Variants in PDE1C observed in about 807,000 individuals in gnomAD.
The protein encoded by PDE1C is dual specificity calcium/calmodulin-dependent 3',5'-cyclic nucleotide phosphodiesterase 1C.
PDE1C carries 62 observed loss-of-function variants against 93.1 expected under a neutral mutation model. That is an observed-to-expected ratio of 0.67 (90% CI 0.54 to 0.82). PDE1C has a LOEUF of 0.82. PDE1C is among the 40% of genes least tolerant of loss of function. PDE1C has a pLI of 0.00. For synonymous variants in PDE1C, 325 were observed against 310.1 expected (o/e 1.05, Z -0.50); for missense variants, 742 against 884.6 (o/e 0.84, Z 2.04).
intron 2 of PDE1C, among the ~76,000 whole-genome samples, chr7:32,006,798 C>T (rs1044957170): frequency 6.6e-6 from 1 of 152,136 alleles, no homozygotes; most frequent in Non-Finnish European, 1.5e-5. Context: ...CATGAAGCCA[C>T]CAAAGACAGT....
intron 2 of PDE1C, among the ~76,000 whole-genome samples, chr7:31,906,127 G>T (rs73306601): frequency 2.8e-4 from 43 of 152,206 alleles, no homozygotes; most frequent in African/African-American, 9.6e-4. Context: ...TAATACACTA[G>T]CAGTTTCTTC....
At chr7:31,871,227 C>A (rs1423327800) in intron 6 of PDE1C, among the ~76,000 whole-genome samples, 1 of 151,826 alleles carries the variant, frequency 6.6e-6, no homozygotes, top group African/African-American at 2.4e-5. Context: ...AAAATCAACT[C>A]AAAATCTATT....
In PDE1C at chr7:31,798,416, C is replaced by G. The variant is rs73319137; in HGVS notation, c.1891+10615G>C. ...GGAATTTTGTGTTTCCCAAATGAGA[C>G]CATTCTTATATAAAGAACAAAATGA... On this transcript the variant is annotated intron_variant, in intron 16 of 17. Coordinates refer to ENST00000396191, the MANE Select transcript of PDE1C (RefSeq NM_001191057.4). Among the ~76,000 whole-genome samples, 847 of 151,780 alleles carry G rather than the reference C, an allele frequency of 5.6e-3. 12 individuals carry two copies. The highest frequency in any genetic ancestry group is 0.019 in the African/African-American group (805 of 41,468).
chr7:32,420,259 G>A (rs575445990), intron 1 of PDE1C, among the ~76,000 whole-genome samples: 4 of 37,462 alleles, frequency 1.1e-4, no homozygotes, highest in Non-Finnish European at 2.2e-4. Context: ...ATATACATGT[G>A]TATATATATG....
chr7:32,331,572 C>T (rs760985523), intron 1 of PDE1C, among the ~76,000 whole-genome samples: 8 of 151,980 alleles, frequency 5.3e-5, no homozygotes, highest in East Asian at 1.9e-4. Context: ...GTTGGAGGGG[C>T]AAGTGTGGAG....
chr7:31,679,363 C>T, the PDE1C span, among the ~76,000 whole-genome samples: 2,509 of 152,218 alleles, frequency 0.016, 79 homozygotes, highest in African/African-American at 0.057. Flanking sequence ...AAGTTATAGC[C>T]GCTATTTTGA....
At chr7:32,376,881 G>A (rs1203526963) in intron 1 of PDE1C, among the ~76,000 whole-genome samples, 2 of 152,042 alleles carry the variant, frequency 1.3e-5, no homozygotes, top group African/African-American at 4.8e-5. Flanking sequence ...TAGGGACGGG[G>A]TTTCACCATG....
At chr7:31,816,395 TTAA>T (rs1788272837) in intron 14 of PDE1C, among the ~76,000 whole-genome samples, 1 of 152,172 alleles carries the variant, frequency 6.6e-6, no homozygotes, top group African/African-American at 2.4e-5. Flanking sequence ...AGGATAATAA[TTAA>T]TAAACCAATA....
chr7:31,629,440 C>T, the PDE1C span, among the ~76,000 whole-genome samples: 4 of 152,216 alleles, frequency 2.6e-5, no homozygotes. Flanking sequence ...TTCCCCTGGA[C>T]AGAAACACAG....
At chr7:32,246,578 G>A (rs1374052730) in intron 1 of PDE1C, among the ~76,000 whole-genome samples, 4 of 152,140 alleles carry the variant, frequency 2.6e-5, no homozygotes, top group Non-Finnish European at 5.9e-5. Flanking sequence ...TACACAGAAT[G>A]TGAGAACATG....
chr7:32,331,136 A>G (rs913130372), intron 1 of PDE1C, among the ~76,000 whole-genome samples: 1 of 152,212 alleles, frequency 6.6e-6, no homozygotes, highest in East Asian at 1.9e-4. Context: ...CCTTCTTTGA[A>G]CACTGAAGTT....
chr7:32,035,557 T>C (rs1328383909), intron 2 of PDE1C, among the ~76,000 whole-genome samples: 1 of 152,188 alleles, frequency 6.6e-6, no homozygotes, highest in Non-Finnish European at 1.5e-5. Context: ...AGGAAGAGAA[T>C]AAAGAAATTA....
chr7:32,268,800 C>T (rs973477322), intron 1 of PDE1C, among the ~76,000 whole-genome samples: 1 of 152,162 alleles, frequency 6.6e-6, no homozygotes, highest in African/African-American at 2.4e-5. Context: ...TAGCATTGAA[C>T]TTTACATCCC....
chr7:32,417,343 C>T (rs1785295622), intron 1 of PDE1C, among the ~76,000 whole-genome samples: 1 of 151,212 alleles, frequency 6.6e-6, no homozygotes, highest in Non-Finnish European at 1.5e-5. Flanking sequence ...CTACTAAAAA[C>T]ATCCCACTAC....
chr7:32,089,656 C>A (rs1302397600), intron 3 of PDE1C, among the ~76,000 whole-genome samples: 1 of 152,126 alleles, frequency 6.6e-6, no homozygotes, highest in East Asian at 1.9e-4. Context: ...CACGGCCATG[C>A]TATAATGGTT....
chr7:31,969,003 T>C (rs1003406507), intron 2 of PDE1C, among the ~76,000 whole-genome samples: 4 of 152,132 alleles, frequency 2.6e-5, no homozygotes, highest in African/African-American at 7.2e-5. Context: ...AAGACTTAAA[T>C]GATAGACCTA....
chr7:32,098,500 T>G (rs1389230884), intron 3 of PDE1C, among the ~76,000 whole-genome samples: 1 of 152,186 alleles, frequency 6.6e-6, no homozygotes, highest in Non-Finnish European at 1.5e-5. Flanking sequence ...TCTATTTTTT[T>G]CTTTGGTTCT....
At chr7:31,631,859 T>C in the PDE1C span, among the ~76,000 whole-genome samples, 7,185 of 152,254 alleles carry the variant, frequency 0.047, 488 homozygotes, top group African/African-American at 0.15. Flanking sequence ...TTATTTTCAA[T>C]AACTACTACT....
At chr7:31,637,606 G>C in the PDE1C span, among the ~76,000 whole-genome samples, 2 of 152,080 alleles carry the variant, frequency 1.3e-5, no homozygotes. Context: ...TCGTAAATTT[G>C]TTTGAGTTCA....
Sources: allele counts gnomAD v4.1 joint callset (sites outside exome capture counted in the v4.1 genomes callset), GRCh38; gene constraint gnomAD v4.1.1; transcripts MANE v1.5; gene names NCBI Gene and HGNC (gene_info 2026-07-23, HGNC 2026-07-21).